The following HIPK2 variants were observed in gnomAD, a reference collection of about 807,000 sequenced individuals.
The protein encoded by HIPK2 is homeodomain interacting protein kinase 2.
In HIPK2, 27 loss-of-function variants were observed where a neutral mutation model predicts 113.7. The ratio of observed to expected loss-of-function variants is 0.24; its 90% confidence interval spans 0.17 to 0.33. The LOEUF is 0.33. Among genes scored for constraint, HIPK2 ranks in the 10% least tolerant of loss-of-function variants. The pLI, the probability that HIPK2 is intolerant of heterozygous loss-of-function variation, is 1.00. For missense variants in HIPK2, 1,257 were observed against 1,588.0 expected (o/e 0.79, Z 3.54); for synonymous variants, 631 against 642.2 (o/e 0.98, Z 0.26).
chr7:139,623,131 T>C (rs973189899), intron 6 of HIPK2, among the ~76,000 whole-genome samples: 2 of 152,174 alleles, frequency 1.3e-5, no homozygotes, highest in South Asian at 2.1e-4. Flanking sequence ...ATGGGAGCCC[T>C]ATCCAGTAAA....
chr7:139,599,099 A>T (rs1304938279), intron 11 of HIPK2, among the ~76,000 whole-genome samples: 1 of 152,224 alleles, frequency 6.6e-6, no homozygotes, highest in Non-Finnish European at 1.5e-5. Flanking sequence ...ATCACTAGAC[A>T]TTTTGTATAC....
Position 139,595,290 on chromosome 7 carries a change from C to T in HIPK2, c.2717+1427G>A, listed in dbSNP as rs926021224. ...GCTTCAGTCTGGGGCTGGGCAGGGC[C>T]GTCCCCTTTGTGAAGAGACTGCTGA... On this transcript the variant is annotated intron_variant, in intron 12 of 14. Coordinates refer to ENST00000406875, the MANE Select transcript of HIPK2 (RefSeq NM_022740.5). 7.2e-5 allele frequency among the ~76,000 whole-genome samples: 11 copies of T among 152,262 alleles called. No homozygotes were observed. In the East Asian group the frequency reaches 1.5e-3, roughly 21 times the overall value.
intron 2 of HIPK2, among the ~76,000 whole-genome samples, chr7:139,696,151 T>C (rs2116818007): frequency 6.6e-6 from 1 of 152,282 alleles, no homozygotes; most frequent in East Asian, 1.9e-4. Flanking sequence ...AGTGATTTTG[T>C]TGATAGTAGG....
intron 1 of HIPK2, among the ~76,000 whole-genome samples, chr7:139,750,117 T>C (rs1016545374): frequency 6.6e-6 from 1 of 152,246 alleles, no homozygotes. Context: ...CTCCATACTC[T>C]TTTAAAATTG....
chr7:139,588,840 T>G (rs1280496810), intron 12 of HIPK2, among the ~76,000 whole-genome samples: 1 of 152,134 alleles, frequency 6.6e-6, no homozygotes, highest in Non-Finnish European at 1.5e-5. Context: ...TCACACTGTT[T>G]CGAAGTACTC....
intron 2 of HIPK2, among the ~76,000 whole-genome samples, chr7:139,648,227 C>T (rs147595344): frequency 6.6e-6 from 1 of 152,336 alleles, no homozygotes; most frequent in African/African-American, 2.4e-5. Context: ...AAAGTTTCAA[C>T]CTGAGATTCA....
chr7:139,673,643 T>C (rs1184431057), intron 2 of HIPK2, among the ~76,000 whole-genome samples: 1 of 152,082 alleles, frequency 6.6e-6, no homozygotes, highest in Non-Finnish European at 1.5e-5. Context: ...AACTGTTTCA[T>C]GTGGGGTCTT....
At chr7:139,660,689 C>T (rs537043664) in intron 2 of HIPK2, among the ~76,000 whole-genome samples, 2 of 152,338 alleles carry the variant, frequency 1.3e-5, no homozygotes, top group East Asian at 3.9e-4. Flanking sequence ...CTGATATTCA[C>T]AGTCCTTGAG....
chr7:139,715,803 C>T (rs969997037), intron 2 of HIPK2, 129 bp downstream of exon 2: 6 of 1,302,882 alleles, frequency 4.6e-6, no homozygotes, highest in African/African-American at 1.5e-5. Context: ...TTCGTAAGTA[C>T]ATTAAGATCA....
At chr7:139,596,609 G>T (rs1799221838) in intron 12 of HIPK2, 108 bp downstream of exon 12, 1 of 1,443,646 alleles carries the variant, frequency 6.9e-7, no homozygotes, top group Non-Finnish European at 9.5e-7. Context: ...AAACTGTAAG[G>T]GTCAGAAGAG....
intron 1 of HIPK2, among the ~76,000 whole-genome samples, chr7:139,731,697 G>T (rs1292379269): frequency 5.9e-5 from 9 of 152,246 alleles, no homozygotes. Context: ...TGATGCCGGG[G>T]ATGTGAGATG....
chr7:139,600,744 T>C (rs3735197), intron 10 of HIPK2, 148 bp from the exon 11 acceptor site: 20,785 of 835,202 alleles, frequency 0.025, 782 homozygotes, highest in African/African-American at 0.15. Context: ...AGCCTGGCCA[T>C]GTGTGCTCAA....
chr7:139,764,493 G>T (rs996129050), intron 1 of HIPK2, among the ~76,000 whole-genome samples: 1 of 152,172 alleles, frequency 6.6e-6, no homozygotes, highest in Non-Finnish European at 1.5e-5. Flanking sequence ...TGAACTACTG[G>T]GTGACAGAAG....
In HIPK2 at chr7:139,759,064, CTA is replaced by C. The variant is rs768019467; in HGVS notation, c.19+18539_19+18540del. ...AAAAAAATGCAACTCATAGCAAAGA[CTA>C]TACATAAAGAGCTTTCAGAATAAAG... On this transcript the variant is annotated intron_variant, in intron 1 of 14. Transcript: ENST00000406875. Among the ~76,000 whole-genome samples, 16 of 152,114 alleles carry C rather than the reference CTA, an allele frequency of 1.1e-4. No homozygotes were observed. In the East Asian group the frequency reaches 2.7e-3, roughly 26 times the overall value.
At chr7:139,705,608 A>G (rs1585399948) in intron 2 of HIPK2, among the ~76,000 whole-genome samples, 2 of 151,958 alleles carry the variant, frequency 1.3e-5, no homozygotes, top group Admixed American at 1.3e-4. Context: ...GGATCTCCTG[A>G]CCTCGTGATC....
intron 1 of HIPK2, among the ~76,000 whole-genome samples, chr7:139,732,013 G>A (rs547737044): frequency 2.1e-4 from 32 of 152,040 alleles, no homozygotes; most frequent in South Asian, 2.1e-3. Flanking sequence ...AAGTTGGCAC[G>A]GATGCTGAGA....
chr7:139,763,611 A>G (rs1796506626), intron 1 of HIPK2, among the ~76,000 whole-genome samples: 1 of 152,114 alleles, frequency 6.6e-6, no homozygotes, highest in East Asian at 1.9e-4. Context: ...GGACCTTTAC[A>G]GAAAAAGTTT....
intron 2 of HIPK2, among the ~76,000 whole-genome samples, chr7:139,694,119 A>G (rs1794495907): frequency 6.6e-6 from 1 of 152,216 alleles, no homozygotes; most frequent in Non-Finnish European, 1.5e-5. Flanking sequence ...CTCAGTACAG[A>G]AGGTTTCTCA....
In HIPK2 at chr7:139,629,016, C is replaced by G; in HGVS notation, c.1371G>C (p.Glu457Asp). 6.3e-7 allele frequency: 1 copy of G among 1,592,882 alleles called. No homozygotes were observed. The highest frequency in any genetic ancestry group is 1.1e-5 in the South Asian group (1 of 87,732). Residue 457 changes from glutamate (E) to aspartate (D), a missense_variant, in exon 5 of 15, where the codon GAG becomes GAC. Physicochemically the swap from Glu to Asp is conservative, Grantham distance 45. Transcript: ENST00000406875. ...TTGCTTCTTTTGACTTAATCCCTGT[C>G]TCTGCTTCATGGTCATCTGGTGTCT... The part of the protein sequence containing the change: ...RLKTPDDHEA[E>D]TGIKSKEARK...
Sources: allele counts gnomAD v4.1 joint callset (sites outside exome capture counted in the v4.1 genomes callset), GRCh38; gene constraint gnomAD v4.1.1; transcripts MANE v1.5; gene names NCBI Gene and HGNC (gene_info 2026-07-23, HGNC 2026-07-21).